NEK3: variants seen among roughly 807,000 people sequenced by gnomAD.
NEK3 encodes the protein NIMA related kinase 3, also known as serine/threonine-protein kinase Nek3.
Under a neutral mutation model 66.0 loss-of-function variants are expected in NEK3, and 54 were observed. That is an observed-to-expected ratio of 0.82 (90% confidence interval 0.66 to 1.03). The LOEUF is 1.03. Ranked by LOEUF, NEK3 falls within the 50% of genes least tolerant of loss-of-function variation. The pLI is 0.00. For missense variants in NEK3, 593 were observed against 603.0 expected, an observed-to-expected ratio of 0.98 and a Z score of 0.17; for synonymous variants, 200 against 206.2, an observed-to-expected ratio of 0.97 and a Z score of 0.26.
At chr13:52,149,476 G>C (rs1465692913) in intron 7 of NEK3, among the ~76,000 whole-genome samples, 1 of 152,104 alleles carries the variant, frequency 6.6e-6, no homozygotes, top group Non-Finnish European at 1.5e-5. Context: ...CTACAGAAAA[G>C]TTGCAATGTC....
chr13:52,135,579 C>T (rs1956196907), intron 14 of NEK3, 150 bp downstream of exon 14: 1 of 563,894 alleles, frequency 1.8e-6, no homozygotes, highest in Non-Finnish European at 2.8e-6. Flanking sequence ...TGGATGGAAA[C>T]TGGTGATGGC....
Position 52,156,150 on chromosome 13 carries a change from G to C in NEK3, c.42C>G (p.Ser14=). ...YMVLRMIGEG[S]FGRALLVQHE... is the part of the protein sequence containing the mutation. Reference sequence around the variant, plus strand: ...GCTGAACCAAAAGAGCTCTGCCGAAGGAGCCCTCCCCAATCATTCTCAGGA... The same window carrying C: ...GCTGAACCAAAAGAGCTCTGCCGAACGAGCCCTCCCCAATCATTCTCAGGA... Residue 14 remains serine, a synonymous_variant, in exon 2 of 16, where the codon TCC becomes TCG. Coordinates refer to ENST00000610828, the MANE Select transcript of NEK3 (RefSeq NM_002498.3). 1 of 1,606,268 alleles carries C rather than the reference G, an allele frequency of 6.2e-7. No individual in the cohort carries two copies. Among genetic ancestry groups the C allele is most frequent in the Non-Finnish European group, 8.5e-7 (1 of 1,176,200 alleles).
chr13:52,145,009 T>C (rs1275437877), intron 8 of NEK3, 118 bp from the exon 9 acceptor site: 10 of 696,858 alleles, frequency 1.4e-5, no homozygotes, highest in Admixed American at 2.6e-5. Context: ...GTCATTTTTC[T>C]TTCTAGAGGT....
intron 7 of NEK3, among the ~76,000 whole-genome samples, chr13:52,150,092 A>G (rs1594028504): frequency 6.6e-6 from 1 of 152,196 alleles, no homozygotes; most frequent in East Asian, 1.9e-4. Context: ...GTCCCCATTC[A>G]GTCAATTCTA....
chr13:52,149,874 A>G, intron 7 of NEK3, among the ~76,000 whole-genome samples: 1 of 152,102 alleles, frequency 6.6e-6, no homozygotes, highest in South Asian at 2.1e-4. Flanking sequence ...GTCTCAAAAA[A>G]AAAAAAAAAA....
chr13:52,133,417 A>T (rs1437048238), intron 15 of NEK3, among the ~76,000 whole-genome samples, 191 bp from the exon 16 acceptor site: 1 of 152,202 alleles, frequency 6.6e-6, no homozygotes, highest in Non-Finnish European at 1.5e-5. Flanking sequence ...ACTTTTAAAA[A>T]TATAAATCCT....
chr13:52,152,737 G>T, intron 4 of NEK3, 45 bp from the exon 5 acceptor site: 2 of 1,262,568 alleles, frequency 1.6e-6, no homozygotes, highest in Admixed American at 1.8e-5. Context: ...GCAGTAACTG[G>T]CTCATGTTAA....
At chr13:52,139,382 G>A (rs1056158933) in intron 11 of NEK3, among the ~76,000 whole-genome samples, 5 of 152,160 alleles carry the variant, frequency 3.3e-5, no homozygotes, top group Non-Finnish European at 7.3e-5. Context: ...GCTACCAGGG[G>A]CTACCAGATT....
chr13:52,155,136 C>T (rs1281603601), intron 2 of NEK3, among the ~76,000 whole-genome samples: 7 of 151,794 alleles, frequency 4.6e-5, no homozygotes, highest in South Asian at 2.1e-4. Context: ...TTTAACAAGC[C>T]CTCCAGATGA....
At chr13:52,147,811 C>CA (rs1013402574) in intron 8 of NEK3, among the ~76,000 whole-genome samples, 16 of 151,482 alleles carry the variant, frequency 1.1e-4, no homozygotes, top group Non-Finnish European at 1.6e-4. Flanking sequence ...CAAAAAAATA[C>CA]AAAAAAAATG....
chr13:52,133,744 C>G lies in NEK3; in HGVS notation c.1381G>C (p.Asp461His). ...CGCTCTGGATCCAAAATGACAGAAT[C>G]GTGACCTCCATCAACACTGTCCGAT... ...EASDSVDGGH[D>H]SVILDPERLE... The change falls in exon 15 of 16, where the codon GAT becomes CAT. Residue 461 changes from aspartate to histidine, a missense_variant. Physicochemically the swap from Asp to His is moderately conservative, Grantham distance 81. Transcript: ENST00000610828. 6 of 1,577,054 alleles carry G rather than the reference C, an allele frequency of 3.8e-6. No individual in the cohort carries two copies. The highest frequency in any genetic ancestry group is 5.2e-6 in the Non-Finnish European group (6 of 1,160,092).
At chr13:52,156,279 T>A (rs1178065522) in intron 1 of NEK3, 31 bp from the exon 2 acceptor site, 3 of 810,256 alleles carry the variant, frequency 3.7e-6, no homozygotes, top group South Asian at 1.6e-5. Flanking sequence ...ATTTGAGAAT[T>A]AAATGTACTT....
At chr13:52,155,890 C>T (rs540655830) in intron 2 of NEK3, among the ~76,000 whole-genome samples, 185 bp downstream of exon 2, 1 of 151,980 alleles carries the variant, frequency 6.6e-6, no homozygotes, top group Admixed American at 6.6e-5. Flanking sequence ...CCCATGTTGG[C>T]CAGGCTGGCC....
chr13:52,154,151 G>C lies in NEK3; in HGVS notation c.140C>G (p.Ser47Cys), dbSNP rs1192253319. The C allele has an allele frequency of 1.9e-6, 3 of 1,608,438 alleles. No individual in the cohort carries two copies. Among genetic ancestry groups the C allele is most frequent in the African/African-American group, 2.7e-5 (2 of 74,744 alleles). The stretch of plus-strand genomic sequence containing the variant: ...GGCTAAAAGAACAGCCTCCTTCCTA[G>C]AATTCTGTGTATTAGAGAAAGACTA... The part of the protein sequence containing the change: ...LPKSFSNTQN[S>C]RKEAVLLAKM... The change falls in exon 3 of 16, where the codon TCT becomes TGT. Residue 47 changes from serine (S) to cysteine (C), a missense_variant. Ser to Cys is a moderately radical substitution (Grantham distance 112). Transcript: ENST00000610828.
chr13:52,144,626 A>C (rs1380333842), intron 9 of NEK3, 65 bp downstream of exon 9: 1 of 1,301,286 alleles, frequency 7.7e-7, no homozygotes, highest in African/African-American at 1.5e-5. Context: ...ATAATGTTAA[A>C]AGATAACAAA....
chr13:52,141,069 G>A lies in NEK3; in HGVS notation c.878C>T (p.Thr293Ile). 1 of 1,596,880 alleles carries A rather than the reference G, an allele frequency of 6.3e-7. No individual in the cohort carries two copies. The highest frequency in any genetic ancestry group is 8.5e-7 in the Non-Finnish European group (1 of 1,171,420). ...AGCTATCCTGATTCTGCTGGGGTTT[G>A]CTTTTAAAAGAGAGAGAGAAGGTAG... The part of the protein sequence containing the change: ...NSKHNTPRKK[T>I]NPSRIRIALG... Residue 293 changes from threonine to isoleucine, a missense_variant and splice_region_variant, in exon 11 of 16, where the codon ACA becomes ATA. Coordinates refer to ENST00000610828, the MANE Select transcript of NEK3 (RefSeq NM_002498.3).
chr13:52,136,864 A>G lies in NEK3; in HGVS notation c.966T>C (p.Asp322=). 6.4e-7 allele frequency: 1 copy of G among 1,574,624 alleles called. No individual in the cohort carries two copies. The highest frequency in any genetic ancestry group is 8.6e-7 in the Non-Finnish European group (1 of 1,158,646). ...CTAAATTTTCATTAATGCTTTCCAA[A>G]TCAGTATGGCTACCCTTTCTATCTT... ...EEQDRKGSHT[D]LESINENLVE... The change falls in exon 12 of 16, where the codon GAT becomes GAC. Residue 322 remains aspartate (D), a synonymous_variant. Coordinates refer to ENST00000610828, the MANE Select transcript of NEK3 (RefSeq NM_002498.3).
In NEK3 at chr13:52,132,784, CATT is replaced by C; in HGVS notation, c.*355_*357del. ...GTGGTCAGCATCCCTCTGAGGTAGG[CATT>C]ATTATCTTCATTTTATGGTTGAGGA... On this transcript the variant is annotated 3_prime_UTR_variant, in exon 16 of 16. Coordinates refer to ENST00000610828, the MANE Select transcript of NEK3 (RefSeq NM_002498.3). 4.9e-6 allele frequency: 1 copy of C among 205,344 alleles called. No individual in the cohort carries two copies. The highest frequency in any genetic ancestry group is 1.3e-4 in the South Asian group (1 of 7,752). The allele number at this position is 205,344 out of a possible 1,614,324, so 12.7% of individuals were successfully genotyped here.
intron 8 of NEK3, among the ~76,000 whole-genome samples, chr13:52,146,243 T>C (rs1414737418): frequency 1.3e-5 from 2 of 152,204 alleles, no homozygotes; most frequent in African/African-American, 4.8e-5. Flanking sequence ...GTTTTAAAAT[T>C]TAAAAGAAGT....
Sources: allele counts gnomAD v4.1 joint callset (sites outside exome capture counted in the v4.1 genomes callset), GRCh38; gene constraint gnomAD v4.1.1; transcripts MANE v1.5; gene names NCBI Gene and HGNC (gene_info 2026-07-23, HGNC 2026-07-21).